Variants in AFP observed in about 807,000 individuals in gnomAD.
AFP encodes alpha-fetoprotein.
A neutral mutation model predicts 78.9 loss-of-function variants in AFP; 64 were observed. The observed-to-expected ratio is 0.81, with a 90% CI of 0.66 to 1.00. The LOEUF (loss-of-function observed/expected upper bound fraction) is 1.00, where lower values mean the gene tolerates loss of function less well. Among genes scored for constraint, AFP ranks in the 50% least tolerant of loss-of-function variants. The pLI, the probability that AFP is intolerant of heterozygous loss-of-function variation, is 0.00. For missense variants in AFP, 689 were observed against 703.8 expected, an observed-to-expected ratio of 0.98 and a Z score of 0.24; for synonymous variants, 254 against 243.8, an observed-to-expected ratio of 1.04 and a Z score of -0.39.
intron 5 of AFP, among the ~76,000 whole-genome samples, chr4:73,443,002 G>A (rs116755328): frequency 0.015 from 2,352 of 152,054 alleles, 36 homozygotes; most frequent in African/African-American, 0.049. Context: ...TGATACAATC[G>A]TATTTTTTGT....
At chr4:73,452,683 A>T (rs145847371) in intron 12 of AFP, 59 bp downstream of exon 12, 1 of 1,345,594 alleles carries the variant, frequency 7.4e-7, no homozygotes, top group Non-Finnish European at 1.1e-6. Context: ...AGTAACTGAG[A>T]CTTCTACCTC....
intron 3 of AFP, among the ~76,000 whole-genome samples, chr4:73,439,166 G>A (rs989749921): frequency 6.6e-6 from 1 of 152,042 alleles, no homozygotes; most frequent in Non-Finnish European, 1.5e-5. Flanking sequence ...CATTGTAGAA[G>A]CTCAACAAAT....
At chr4:73,442,200 T>G in intron 4 of AFP, 96 bp from the exon 5 acceptor site, 1 of 1,228,840 alleles carries the variant, frequency 8.1e-7, no homozygotes. Flanking sequence ...TGTTGTTGTT[T>G]TTGAATCTTT....
chr4:73,438,444 C>A, intron 3 of AFP, 138 bp downstream of exon 3: 1 of 1,006,428 alleles, frequency 9.9e-7, no homozygotes, highest in Non-Finnish European at 1.5e-6. Flanking sequence ...TAGATTCATT[C>A]TGAATTGCTA....
At position 73,447,488 on chromosome 4, in the gene AFP, T is replaced by C; in HGVS notation, c.870T>C (p.Ser290=). ...AAAAAATCATGTCCTACATATGTTCTCAACAAGACACTCTGTCAAACAAAA... is the reference window on the plus strand; with the variant it reads ...AAAAAATCATGTCCTACATATGTTCCCAACAAGACACTCTGTCAAACAAAA... The part of the protein sequence containing the change: ...DGEKIMSYIC[S]QQDTLSNKIT... Residue 290 remains serine (S), a synonymous_variant, in exon 8 of 15, where the codon TCT becomes TCC. Coordinates refer to ENST00000395792, the MANE Select transcript of AFP (RefSeq NM_001134.3). 1.2e-6 allele frequency: 2 copies of C among 1,611,164 alleles called. No homozygotes were observed. Among genetic ancestry groups the C allele is most frequent in the Non-Finnish European group, 1.7e-6 (2 of 1,178,766 alleles).
intron 7 of AFP, 120 bp from the exon 8 acceptor site, chr4:73,447,342 T>G (rs1485594642): frequency 3.0e-6 from 2 of 664,026 alleles, no homozygotes; most frequent in East Asian, 5.6e-5. Context: ...TGGCCTTTTT[T>G]CCTTCTTTCT....
At chr4:73,445,800 A>G (rs943618451) in intron 7 of AFP, among the ~76,000 whole-genome samples, 1 of 152,174 alleles carries the variant, frequency 6.6e-6, no homozygotes, top group Non-Finnish European at 1.5e-5. Flanking sequence ...AAACCCAGCA[A>G]CAGTTTCTTG....
chr4:73,438,849 T>C (rs1392092571), intron 3 of AFP, among the ~76,000 whole-genome samples: 2 of 152,136 alleles, frequency 1.3e-5, no homozygotes, highest in Admixed American at 6.5e-5. Context: ...CCTATATTTA[T>C]TTATTAAACA....
intron 7 of AFP, 58 bp from the exon 8 acceptor site, chr4:73,447,404 G>C: frequency 7.9e-7 from 1 of 1,261,016 alleles, no homozygotes; most frequent in South Asian, 1.5e-5. Context: ...AGCTGGCTTT[G>C]AGATCCTTTA....
intron 14 of AFP, 76 bp downstream of exon 14, chr4:73,455,366 G>A: frequency 3.4e-6 from 4 of 1,187,052 alleles, no homozygotes; most frequent in Non-Finnish European, 5.0e-6. Flanking sequence ...GATAGATCAT[G>A]AGGAGTGCCA....
intron 7 of AFP, among the ~76,000 whole-genome samples, chr4:73,447,244 C>A (rs573827948): frequency 6.6e-6 from 1 of 151,960 alleles, no homozygotes; most frequent in Non-Finnish European, 1.5e-5. Context: ...ACATTGTTTG[C>A]ACTGCTAAAT....
Position 73,455,789 on chromosome 4 carries a change from G to T in AFP, c.*169G>T. On this transcript the variant is annotated 3_prime_UTR_variant, in exon 15 of 15. Coordinates refer to ENST00000395792, the MANE Select transcript of AFP (RefSeq NM_001134.3). Reference sequence around the variant, plus strand: ...TATCTCCAAATGTTTCCTTTTCCAAGTTTGCTTATTTATGAAAAGTTATCG... The same window carrying T: ...TATCTCCAAATGTTTCCTTTTCCAATTTTGCTTATTTATGAAAAGTTATCG... 1.6e-6 allele frequency: 1 copy of T among 622,444 alleles called. No individual in the cohort carries two copies. Among genetic ancestry groups the T allele is most frequent in the Admixed American group, 3.0e-5 (1 of 33,094 alleles). The allele number at this position is 622,444 out of a possible 1,614,324, so 38.6% of individuals were successfully genotyped here. A position where few individuals can be genotyped will look rare whatever the true frequency, so the allele number is the denominator to read the frequency against.
intron 13 of AFP, among the ~76,000 whole-genome samples, chr4:73,454,513 A>G (rs1720103655): frequency 6.6e-6 from 1 of 152,164 alleles, no homozygotes; most frequent in South Asian, 2.1e-4. Context: ...GTTTCAATAT[A>G]TTTATACATT....
In AFP at chr4:73,442,419, CCAAA is replaced by C; in HGVS notation, c.611_614del (p.Thr204ArgfsTer9). ...AAGCTGAAAATGCAGTTGAATGCTT[CCAAA>C]CAAAGGTATCATATTTGCGTGGATA... On this transcript the variant is annotated frameshift_variant, in exon 5 of 15. Transcript: ENST00000395792. LOFTEE classifies it high-confidence loss of function. The C allele has an allele frequency of 6.2e-7, 1 of 1,614,024 alleles. No homozygotes were observed. The highest frequency in any genetic ancestry group is 8.5e-7 in the Non-Finnish European group (1 of 1,179,974).
intron 13 of AFP, among the ~76,000 whole-genome samples, chr4:73,454,187 GAT>G (rs1373716617): frequency 6.6e-6 from 1 of 151,944 alleles, no homozygotes; most frequent in Non-Finnish European, 1.5e-5. Context: ...CGGTAATTTA[GAT>G]AGTTTCTGGC....
Position 73,447,828 on chromosome 4 carries a change from A to G in AFP, c.1058+152A>G, listed in dbSNP as rs1020220345. 1.2e-5 allele frequency: 8 copies of G among 694,172 alleles called. No homozygotes were observed. In the Admixed American group the frequency reaches 1.5e-4, roughly 13 times the overall value. The allele number at this position is 694,172 out of a possible 1,614,324, so 43.0% of individuals were successfully genotyped here. ...AATGTTCTGAGCCAAAATAGATTTC[A>G]GTAGATAACCAGGGAATAAGTAATG... On this transcript the variant is annotated intron_variant, in intron 8 of 14. Coordinates refer to ENST00000395792, the MANE Select transcript of AFP (RefSeq NM_001134.3).
In AFP at chr4:73,443,385, G is replaced by T; in HGVS notation, c.654G>T (p.Leu218Phe). 1.2e-6 allele frequency: 2 copies of T among 1,613,774 alleles called. No individual in the cohort carries two copies. Among genetic ancestry groups the T allele is most frequent in the Non-Finnish European group, 1.7e-6 (2 of 1,179,764 alleles). ...TVTKELRESS[L>F]LNQHACAVMK... is the part of the protein sequence containing the mutation. ...CAAAAGAATTAAGAGAAAGCAGCTT[G>T]TTAAATCAACATGCATGTGCAGTAA... is the stretch of plus-strand genomic sequence containing the variant. The change falls in exon 6 of 15, where the codon TTG (leucine) becomes TTT (phenylalanine). Residue 218 changes from leucine (L) to phenylalanine (F), a missense_variant. Physicochemically the swap from Leu to Phe is conservative, Grantham distance 22. Coordinates refer to ENST00000395792, the MANE Select transcript of AFP (RefSeq NM_001134.3).
At chr4:73,438,124 A>T in intron 2 of AFP, 50 bp from the exon 3 acceptor site, 1 of 1,606,294 alleles carries the variant, frequency 6.2e-7, no homozygotes, top group Non-Finnish European at 8.5e-7. Flanking sequence ...GAGAAAAATA[A>T]GCTTGCTGCA....
chr4:73,454,054 A>G lies in AFP; in HGVS notation c.1785+157A>G, dbSNP rs925169405. ...TTGAGGGATTCTATAAGATTTAAAA[A>G]ATAATCACATTTTCTTGCTTAATAT... On this transcript the variant is annotated intron_variant, in intron 13 of 14. Transcript: ENST00000395792. Among the ~76,000 whole-genome samples the G allele has an allele frequency of 3.3e-5, 5 of 152,086 alleles. No homozygotes were observed. In the South Asian group the frequency reaches 1.0e-3, roughly 31 times the overall value.
Sources: allele counts gnomAD v4.1 joint callset (sites outside exome capture counted in the v4.1 genomes callset), GRCh38; gene constraint gnomAD v4.1.1; transcripts MANE v1.5; gene names NCBI Gene and HGNC (gene_info 2026-07-23, HGNC 2026-07-21).